TNS1: variants seen among roughly 807,000 people sequenced by gnomAD.
TNS1 encodes the protein tensin-1.
In TNS1, 62 loss-of-function variants were observed where a neutral mutation model predicts 168.6. The observed-to-expected ratio is 0.37, with a 90% CI of 0.30 to 0.45. The LOEUF is 0.45. Among genes scored for constraint, TNS1 ranks in the 20% least tolerant of loss-of-function variants. The probability of loss-of-function intolerance (pLI) is 1.00; values close to 1 mark genes in which losing one functional copy is unlikely to be tolerated. For missense variants in TNS1, 2,240 were observed against 2,339.4 expected (o/e 0.96, Z 0.88); for synonymous variants, 934 against 933.2 (o/e 1.00, Z -0.02).
Position 217,995,247 on chromosome 2 carries a change from T to C in TNS1, c.34-4191A>G, listed in dbSNP as rs1196135202. Among the ~76,000 whole-genome samples, 1 of 152,178 alleles carries C rather than the reference T, an allele frequency of 6.6e-6. No individual in the cohort carries two copies. Among genetic ancestry groups the C allele is most frequent in the Non-Finnish European group, 1.5e-5 (1 of 68,032 alleles). ...GTGAAACAGGGACACTGCGCTGGTC[T>C]TGTTGAAACAGCTGTCCCATAGGTT... On this transcript the variant is annotated intron_variant, in intron 1 of 32. Coordinates refer to ENST00000682258, the MANE Select transcript of TNS1 (RefSeq NM_001387777.1). The surrounding 1 kb of genome is among the most constrained non-coding windows in gnomAD (Gnocchi z 4.1).
upstream of TNS1, among the ~76,000 whole-genome samples, chr2:218,014,870 CGGAAGGAAGGAA>C (rs56964991): frequency 0.022 from 2,164 of 98,002 alleles, 31 homozygotes; most frequent in South Asian, 0.064. Flanking sequence ...GAAGGAAGGA[CGGAAGGAAGGAA>C]GGAAGGAAGG....
chr2:217,920,090 C>T lies in TNS1; in HGVS notation c.228+105G>A, dbSNP rs112137175. 499 of 696,866 alleles carry T rather than the reference C, an allele frequency of 7.2e-4. 1 individual carries two copies. The highest frequency in any genetic ancestry group is 9.6e-4 in the Non-Finnish European group (366 of 381,098). 43.2% of individuals were successfully genotyped at this position (696,866 alleles called of 1,614,324 possible). On this transcript the variant is annotated intron_variant, in intron 4 of 32. Transcript: ENST00000682258. ...GACCCTCCTCCTCCACCTAATTGTCCGACACCCCAGTTACCAACATATTTG... is the reference window on the plus strand; with the variant it reads ...GACCCTCCTCCTCCACCTAATTGTCTGACACCCCAGTTACCAACATATTTG...
At chr2:218,016,388 G>A (rs1164050958) in intron 1 of TNS1, among the ~76,000 whole-genome samples, 2 of 152,222 alleles carry the variant, frequency 1.3e-5, no homozygotes, top group East Asian at 1.9e-4. Flanking sequence ...TCAGGTCCCC[G>A]CCCACTTCAG....
chr2:217,827,018 A>G (rs905171854), intron 22 of TNS1, among the ~76,000 whole-genome samples: 2 of 152,160 alleles, frequency 1.3e-5, no homozygotes, highest in African/African-American at 4.8e-5. Flanking sequence ...CTAGAAGCTC[A>G]AAAGTTAGAA....
In TNS1 at chr2:218,033,021, C is replaced by T. The variant is rs1443885636; in HGVS notation, c.156+799G>A. Among the ~76,000 whole-genome samples, 1 of 152,188 alleles carries T rather than the reference C, an allele frequency of 6.6e-6. No homozygotes were observed. The highest frequency in any genetic ancestry group is 1.5e-5 in the Non-Finnish European group (1 of 68,014). On this transcript the variant is annotated intron_variant, in intron 1 of 1. Coordinates refer to the TNS1 transcript ENST00000649572. This position sits in a 1 kb window ranked among gnomAD's most constrained non-coding sequence, Gnocchi z 4.3. ...CTGTCCCTGTCCCTGCCCACCTTTA[C>T]CTGGCCCAACAGGCACCTGCCCCAT...
At chr2:217,974,948 T>C (rs1349475096) in intron 3 of TNS1, among the ~76,000 whole-genome samples, 2 of 152,216 alleles carry the variant, frequency 1.3e-5, no homozygotes, top group Non-Finnish European at 2.9e-5. Flanking sequence ...CTTTCCACAC[T>C]GAATAAGGCT....
At chr2:217,902,872 T>C (rs1239922560) in intron 6 of TNS1, among the ~76,000 whole-genome samples, 2 of 152,106 alleles carry the variant, frequency 1.3e-5, no homozygotes, top group African/African-American at 2.4e-5. Flanking sequence ...TCTGCAAAGT[T>C]TGGGGGCACG....
chr2:217,891,223 G>A (rs1468891819), intron 11 of TNS1, among the ~76,000 whole-genome samples, 178 bp from the exon 12 acceptor site: 2 of 152,218 alleles, frequency 1.3e-5, no homozygotes, highest in African/African-American at 4.8e-5. Flanking sequence ...CAGGAAAAGA[G>A]TGTTTCAGCA....
intron 22 of TNS1, among the ~76,000 whole-genome samples, chr2:217,827,191 A>G (rs1346999087): frequency 6.6e-6 from 1 of 152,152 alleles, no homozygotes; most frequent in Non-Finnish European, 1.5e-5. Flanking sequence ...AGCCTGGCAA[A>G]CAGTCAGCGC....
At chr2:218,006,189 G>A (rs1335322955), upstream of TNS1, among the ~76,000 whole-genome samples, 2 of 152,246 alleles carry the variant, frequency 1.3e-5, no homozygotes, top group Non-Finnish European at 2.9e-5. Flanking sequence ...GGGCTGTGGT[G>A]CTGGCCCTGG....
intron 3 of TNS1, among the ~76,000 whole-genome samples, chr2:217,954,161 G>A (rs1043487022): frequency 5.3e-5 from 8 of 152,326 alleles, no homozygotes; most frequent in South Asian, 2.1e-4. Flanking sequence ...TAAGCAGAGC[G>A]AGGCAGTGCC....
intron 18 of TNS1, among the ~76,000 whole-genome samples, chr2:217,871,353 G>A (rs1362900389): frequency 6.6e-6 from 1 of 152,140 alleles, no homozygotes; most frequent in East Asian, 1.9e-4. Flanking sequence ...TATCCCCTCT[G>A]GAGGCCAGGT....
At chr2:217,922,838 G>A (rs115921911) in intron 3 of TNS1, among the ~76,000 whole-genome samples, 3 of 152,236 alleles carry the variant, frequency 2.0e-5, no homozygotes, top group Non-Finnish European at 1.5e-5. Context: ...TGCCACCCCC[G>A]ACGGCGTCCT....
chr2:218,012,375 A>G (rs1958714017), upstream of TNS1, among the ~76,000 whole-genome samples: 1 of 152,164 alleles, frequency 6.6e-6, no homozygotes, highest in Non-Finnish European at 1.5e-5. Flanking sequence ...GGCATGAGAG[A>G]CACTCAACAA....
At chr2:217,822,690 G>C (rs1943054302) in intron 22 of TNS1, among the ~76,000 whole-genome samples, 1 of 152,178 alleles carries the variant, frequency 6.6e-6, no homozygotes, top group Non-Finnish European at 1.5e-5. Context: ...GCCTAAGAGG[G>C]GGTGGGGGAC....
intron 1 of TNS1, among the ~76,000 whole-genome samples, chr2:218,020,974 C>G (rs1411705937): frequency 6.6e-6 from 1 of 152,224 alleles, no homozygotes; most frequent in African/African-American, 2.4e-5. Flanking sequence ...TGAGAGAAGA[C>G]AATGCATCCA....
chr2:217,908,658 C>G (rs988734809), intron 4 of TNS1, among the ~76,000 whole-genome samples: 1 of 152,156 alleles, frequency 6.6e-6, no homozygotes, highest in African/African-American at 2.4e-5. Flanking sequence ...TAACAGTGCT[C>G]TCTCTGGAAA....
intron 1 of TNS1, among the ~76,000 whole-genome samples, chr2:218,027,079 A>T (rs1296374024): frequency 6.6e-6 from 1 of 152,030 alleles, no homozygotes; most frequent in African/African-American, 2.4e-5. Context: ...ACTTTACGGC[A>T]AACACAATAC....
chr2:217,910,897 G>A (rs1179716719), intron 4 of TNS1, among the ~76,000 whole-genome samples: 7 of 152,142 alleles, frequency 4.6e-5, no homozygotes, highest in African/African-American at 1.4e-4. Flanking sequence ...TTCATGGTGA[G>A]GTTTGTGGCA....
Sources: allele counts gnomAD v4.1 joint callset (sites outside exome capture counted in the v4.1 genomes callset), GRCh38; gene constraint gnomAD v4.1.1; non-coding constraint Gnocchi (gnomAD v3.1); transcripts MANE v1.5; gene names NCBI Gene and HGNC (gene_info 2026-07-23, HGNC 2026-07-21).